Variants in BCAR3 observed in about 807,000 individuals in gnomAD.
BCAR3 encodes breast cancer anti-estrogen resistance protein 3.
A neutral mutation model predicts 80.1 loss-of-function variants in BCAR3; 37 were observed. The observed-to-expected ratio is 0.46, with a 90% confidence interval of 0.36 to 0.61. BCAR3 has a LOEUF of 0.61. BCAR3 is among the 20% of genes least tolerant of loss of function. The pLI is 0.00. For missense variants in BCAR3, 978 were observed against 1,068.2 expected, an observed-to-expected ratio of 0.92 and a Z score of 1.18; for synonymous variants, 389 against 418.9, an observed-to-expected ratio of 0.93 and a Z score of 0.87.
intron 3 of BCAR3, among the ~76,000 whole-genome samples, chr1:93,598,495 A>G (rs1674514730): frequency 6.6e-6 from 1 of 152,222 alleles, no homozygotes; most frequent in Non-Finnish European, 1.5e-5. Flanking sequence ...GAGGCTGCAG[A>G]GGCCATGGCC....
intron 3 of BCAR3, among the ~76,000 whole-genome samples, chr1:93,634,234 G>C (rs546068363): frequency 6.6e-6 from 1 of 152,146 alleles, no homozygotes; most frequent in Non-Finnish European, 1.5e-5. Flanking sequence ...ATGTATTCAA[G>C]ATTCACCCAT....
At chr1:93,810,053 C>T (rs143314935) in intron 2 of BCAR3, among the ~76,000 whole-genome samples, 1,950 of 151,622 alleles carry the variant, frequency 0.013, 37 homozygotes, top group African/African-American at 0.045. Context: ...AATTAGCAGG[C>T]ATGGTGGCAT....
At chr1:93,728,774 G>C (rs1016366722) in intron 2 of BCAR3, among the ~76,000 whole-genome samples, 4 of 152,060 alleles carry the variant, frequency 2.6e-5, no homozygotes, top group Non-Finnish European at 4.4e-5. Flanking sequence ...TTCCTCCACC[G>C]ATCTGCTTCT....
intron 2 of BCAR3, among the ~76,000 whole-genome samples, chr1:93,643,545 C>CA (rs547667389): frequency 0.24 from 5,336 of 22,096 alleles, 1,339 homozygotes; most frequent in Non-Finnish European, 0.31. Flanking sequence ...GACTCTTTCT[C>CA]AAAAAAAAAA....
At chr1:93,566,772 G>C (rs1356725019) in intron 11 of BCAR3, among the ~76,000 whole-genome samples, 2 of 152,230 alleles carry the variant, frequency 1.3e-5, no homozygotes, top group African/African-American at 2.4e-5. Context: ...CCAGCGCCCA[G>C]GCTGGAGTGC....
chr1:93,835,354 T>C (rs1031170458), intron 2 of BCAR3, among the ~76,000 whole-genome samples: 1 of 152,220 alleles, frequency 6.6e-6, no homozygotes, highest in Admixed American at 6.5e-5. Flanking sequence ...GCAACGCTTA[T>C]GCTGATAAGG....
chr1:93,596,072 G>C (rs1049765665), intron 3 of BCAR3, among the ~76,000 whole-genome samples: 1 of 152,192 alleles, frequency 6.6e-6, no homozygotes, highest in African/African-American at 2.4e-5. Context: ...TTCAGCAAAG[G>C]TTTCATCCCC....
At chr1:93,761,454 G>C (rs889105408) in intron 2 of BCAR3, among the ~76,000 whole-genome samples, 1 of 152,124 alleles carries the variant, frequency 6.6e-6, no homozygotes, top group Admixed American at 6.5e-5. Context: ...TATCACCAAA[G>C]GACACTCCAG....
intron 2 of BCAR3, among the ~76,000 whole-genome samples, chr1:93,837,112 G>A (rs12141014): frequency 0.097 from 14,779 of 152,158 alleles, 891 homozygotes; most frequent in East Asian, 0.18. Context: ...CAGATACTTG[G>A]GAGGCTAAGG....
intron 3 of BCAR3, among the ~76,000 whole-genome samples, chr1:93,626,055 C>T (rs1172435967): frequency 6.6e-6 from 1 of 152,094 alleles, no homozygotes; most frequent in Non-Finnish European, 1.5e-5. Flanking sequence ...TGCTTCTGGC[C>T]TAGCACTTTA....
intron 3 of BCAR3, among the ~76,000 whole-genome samples, chr1:93,704,699 T>C (rs1649774741): frequency 6.6e-6 from 1 of 152,198 alleles, no homozygotes; most frequent in South Asian, 2.1e-4. Context: ...TACTTTTAAG[T>C]GATCCATCTG....
upstream of BCAR3, among the ~76,000 whole-genome samples, chr1:93,683,572 T>G (rs995143178): frequency 1.3e-5 from 2 of 152,192 alleles, no homozygotes; most frequent in African/African-American, 4.8e-5. Context: ...AGAAGAGAGA[T>G]AAACTGTGTA....
chr1:93,845,492 AT>A (rs1557708503), intron 2 of BCAR3: 1 of 35,454 alleles, frequency 2.8e-5, no homozygotes, highest in East Asian at 2.5e-3. Flanking sequence ...ATATATATAT[AT>A]ATATATATAA....
rs972946363 is a variant in BCAR3, at chr1:93,674,917, T to A, written c.14A>T (p.Lys5Ile). Residue 5 changes from lysine to isoleucine, a missense_variant, in exon 2 of 12, where the codon AAA becomes ATA. Coordinates refer to ENST00000260502, the MANE Select transcript of BCAR3 (RefSeq NM_003567.4). ...CATGTTTCTGGGAAGGCTTGCAAATTTTCCTGCAGCCATAATTCTCAACTC... is the reference window on the plus strand; with the variant it reads ...CATGTTTCTGGGAAGGCTTGCAAATATTCCTGCAGCCATAATTCTCAACTC... MAAG[K>I]FASLPRNMPV... 1 of 1,557,150 alleles carries A rather than the reference T, an allele frequency of 6.4e-7. No individual in the cohort carries two copies. The highest frequency in any genetic ancestry group is 8.6e-7 in the Non-Finnish European group (1 of 1,158,672).
intron 11 of BCAR3, among the ~76,000 whole-genome samples, chr1:93,565,150 C>T (rs913858913): frequency 6.6e-6 from 1 of 151,540 alleles, no homozygotes; most frequent in African/African-American, 2.4e-5. Flanking sequence ...AATCTCGGCT[C>T]AATGAAATTA....
chr1:93,568,055 G>A (rs12744941), intron 9 of BCAR3: 71,895 of 455,522 alleles, frequency 0.16, 6,689 homozygotes, highest in Non-Finnish European at 0.2. Context: ...GCGTGGTGGC[G>A]TGTGCCTGTA....
At chr1:93,828,321 A>T (rs745421695) in intron 2 of BCAR3, among the ~76,000 whole-genome samples, 7 of 152,088 alleles carry the variant, frequency 4.6e-5, no homozygotes, top group Non-Finnish European at 8.8e-5. Context: ...AAATATCATA[A>T]TTCCTCTTCC....
intron 2 of BCAR3, among the ~76,000 whole-genome samples, chr1:93,814,597 C>A (rs951736844): frequency 6.6e-6 from 1 of 152,224 alleles, no homozygotes; most frequent in Admixed American, 6.5e-5. Context: ...CTCTGGGCAG[C>A]CCTCATGGAG....
At chr1:93,649,957 G>A (rs1333462499) in intron 2 of BCAR3, among the ~76,000 whole-genome samples, 2 of 151,652 alleles carry the variant, frequency 1.3e-5, no homozygotes, top group East Asian at 1.9e-4. Flanking sequence ...TAAGTGGACA[G>A]AAGTGTTCCA....
Sources: gnomAD v4.1 joint callset for allele counts (sites outside exome capture counted in the v4.1 genomes callset) on GRCh38, gnomAD v4.1.1 for gene constraint, MANE v1.5 for transcripts, NCBI Gene and HGNC (gene_info 2026-07-23, HGNC 2026-07-21) for gene names.